The following OR3A2 variants were observed in gnomAD, a reference collection of about 807,000 sequenced individuals.
The protein encoded by OR3A2 is olfactory receptor 3A2.
For synonymous variants in OR3A2, 126 were observed against 159.3 expected (o/e 0.79, Z 1.57); for missense variants, 318 against 392.8 (o/e 0.81, Z 1.61).
chr17:3,280,573 A>G (rs1303440627), intron 1 of OR3A2, among the ~76,000 whole-genome samples: 2 of 152,284 alleles, frequency 1.3e-5, no homozygotes, highest in Non-Finnish European at 1.5e-5. Context: ...CGCCCAGCCC[A>G]TCTTTCAGAT....
chr17:3,287,859 C>T (rs890019437), upstream of OR3A2, among the ~76,000 whole-genome samples: 4 of 151,202 alleles, frequency 2.6e-5, no homozygotes, highest in Non-Finnish European at 2.9e-5. Flanking sequence ...TATATGTAAT[C>T]GAGCTTATAT....
intron 2 of OR3A2, among the ~76,000 whole-genome samples, chr17:3,369,803 T>TA: frequency 9.7e-6 from 1 of 103,104 alleles, no homozygotes. Context: ...GTTAGATTGG[T>TA]ACTTTTTTTT....
intron 2 of OR3A2, among the ~76,000 whole-genome samples, chr17:3,345,283 C>A (rs192958780): frequency 6.6e-6 from 1 of 152,092 alleles, no homozygotes; most frequent in Non-Finnish European, 1.5e-5. Flanking sequence ...GTAAATAATC[C>A]GGACACATCT....
At chr17:3,278,174 G>C (rs1336091274) in exon 2 of OR3A2, 4 of 1,614,126 alleles carry the variant, frequency 2.5e-6, no homozygotes, top group Non-Finnish European at 3.4e-6. Flanking sequence ...AAACCACGGT[G>C]AGGTGGGAGC....
chr17:3,362,485 C>T (rs2049527141), intron 2 of OR3A2, among the ~76,000 whole-genome samples: 1 of 151,634 alleles, frequency 6.6e-6, no homozygotes, highest in African/African-American at 2.4e-5. Context: ...GCTCTTGCTT[C>T]TCTAGTTCTT....
At chr17:3,291,869 C>T in intron 3 of OR3A2, 11 of 1,614,232 alleles carry the variant, frequency 6.8e-6, no homozygotes, top group Non-Finnish European at 9.3e-6. Flanking sequence ...AGAAGGCTTT[C>T]TTCCTGCCCT....
At chr17:3,297,655 C>T (rs1265430974) in intron 3 of OR3A2, among the ~76,000 whole-genome samples, 1 of 149,026 alleles carries the variant, frequency 6.7e-6, no homozygotes, top group African/African-American at 2.6e-5. Context: ...TGTGGCTTGC[C>T]AACAGATTTC....
At chr17:3,353,887 T>C (rs1280221819) in intron 2 of OR3A2, among the ~76,000 whole-genome samples, 1 of 146,456 alleles carries the variant, frequency 6.8e-6, no homozygotes, top group Non-Finnish European at 1.5e-5. Flanking sequence ...CCCACTGTGC[T>C]ATCAAATAGT....
chr17:3,376,289 T>C (rs914085377), intron 2 of OR3A2, among the ~76,000 whole-genome samples: 1 of 152,232 alleles, frequency 6.6e-6, no homozygotes, highest in Non-Finnish European at 1.5e-5. Flanking sequence ...GGATATAAGC[T>C]TGCCCTACAT....
intron 3 of OR3A2, among the ~76,000 whole-genome samples, chr17:3,305,951 G>C (rs1334197993): frequency 6.6e-6 from 1 of 152,192 alleles, no homozygotes; most frequent in African/African-American, 2.4e-5. Flanking sequence ...CATATTACCT[G>C]AAAAATAGTA....
intron 3 of OR3A2, chr17:3,291,595 T>C (rs1429062809): frequency 5.4e-6 from 8 of 1,482,208 alleles, no homozygotes; most frequent in Non-Finnish European, 7.3e-6. Flanking sequence ...ACTTTTCCTT[T>C]AGTACAAGAC....
chr17:3,292,273 G>C, intron 3 of OR3A2: 1 of 1,614,188 alleles, frequency 6.2e-7, no homozygotes, highest in East Asian at 2.2e-5. Context: ...AAGAAGAAGA[G>C]CTGGGTAAGG....
intron 3 of OR3A2, among the ~76,000 whole-genome samples, chr17:3,304,628 T>G (rs1421729559): frequency 6.6e-6 from 1 of 152,200 alleles, no homozygotes; most frequent in East Asian, 1.9e-4. Context: ...AGAGTAGTTT[T>G]CTAAGGAAAT....
intron 3 of OR3A2, among the ~76,000 whole-genome samples, chr17:3,314,394 ATAATT>A (rs1278501989): frequency 1.3e-5 from 2 of 152,252 alleles, no homozygotes; most frequent in South Asian, 2.1e-4. Flanking sequence ...TTTTATGTAA[ATAATT>A]TAAATAAAAA....
chr17:3,341,109 C>T (rs1218327584), intron 2 of OR3A2, among the ~76,000 whole-genome samples: 2 of 152,070 alleles, frequency 1.3e-5, no homozygotes, highest in East Asian at 1.9e-4. Context: ...TTTTGCTTTC[C>T]ATTTGCTTGG....
chr17:3,359,891 G>A (rs1375508100), intron 2 of OR3A2, among the ~76,000 whole-genome samples: 2 of 151,866 alleles, frequency 1.3e-5, no homozygotes, highest in South Asian at 2.1e-4. Flanking sequence ...ATGTGTGCAT[G>A]TGTCTTTATA....
chr17:3,278,455 C>CA lies in OR3A2; in HGVS notation c.462dup (p.Ala155CysfsTer22). ...GTGTGGGTCAGTGCGTTGGTGAAGGCACAAGCCAAGGACGCAGCCACCAAC... is the reference window on the plus strand; with the variant it reads ...GTGTGGGTCAGTGCGTTGGTGAAGGCAACAAGCCAAGGACGCAGCCACCAAC... On this transcript the variant is annotated frameshift_variant, in exon 2 of 2. Coordinates refer to ENST00000642052, the Ensembl canonical transcript of OR3A2. LOFTEE classifies it low-confidence loss of function (END_TRUNC). 6.2e-7 allele frequency: 1 copy of CA among 1,614,186 alleles called. No individual in the cohort carries two copies. The highest frequency in any genetic ancestry group is 2.2e-5 in the East Asian group (1 of 44,870).
intron 3 of OR3A2, among the ~76,000 whole-genome samples, chr17:3,319,248 C>T (rs981665944): frequency 6.6e-6 from 1 of 152,040 alleles, no homozygotes; most frequent in African/African-American, 2.4e-5. Context: ...GTTATTGAGT[C>T]TGAGGGATTA....
At chr17:3,359,617 C>CT (rs1192050562) in intron 2 of OR3A2, among the ~76,000 whole-genome samples, 1 of 151,630 alleles carries the variant, frequency 6.6e-6, no homozygotes, top group African/African-American at 2.4e-5. Context: ...TCTCTTCTGG[C>CT]TTGTAGGGTT....
Sources: allele counts gnomAD v4.1 joint callset (sites outside exome capture counted in the v4.1 genomes callset), GRCh38; gene constraint gnomAD v4.1.1; transcripts MANE v1.5; gene names NCBI Gene and HGNC (gene_info 2026-07-23, HGNC 2026-07-21).